The following FGF14 variants were observed in gnomAD, a reference collection of about 807,000 sequenced individuals.
FGF14 encodes fibroblast growth factor 14.
A neutral mutation model predicts 25.5 loss-of-function variants in FGF14; 5 were observed. The ratio of observed to expected loss-of-function variants is 0.20; its 90% confidence interval spans 0.10 to 0.41. The LOEUF is 0.41. Ranked by LOEUF, FGF14 falls within the 10% of genes least tolerant of loss-of-function variation. FGF14 has a pLI of 1.00. For missense variants in FGF14, 222 were observed against 320.1 expected (o/e 0.69, Z 2.34); for synonymous variants, 138 against 118.3 (o/e 1.17, Z -1.08).
chr13:101,855,801 C>G (rs1373630885), intron 3 of FGF14, among the ~76,000 whole-genome samples: 2 of 151,716 alleles, frequency 1.3e-5, no homozygotes, highest in South Asian at 4.2e-4. Flanking sequence ...TTTAAACAAC[C>G]GCATATTGCT....
intron 1 of FGF14, among the ~76,000 whole-genome samples, chr13:102,111,746 G>A (rs544863529): frequency 6.8e-6 from 1 of 147,474 alleles, no homozygotes; most frequent in African/African-American, 2.5e-5. Flanking sequence ...ATAGTCTCAT[G>A]TACAAAGAAT....
At chr13:102,285,481 C>T (rs1044923741) in intron 1 of FGF14, among the ~76,000 whole-genome samples, 3 of 152,164 alleles carry the variant, frequency 2.0e-5, no homozygotes, top group African/African-American at 2.4e-5. Flanking sequence ...CTTCAATAAC[C>T]TGGAAGGTTA....
At chr13:101,916,304 T>TC (rs1043966231) in intron 1 of FGF14, 149 bp downstream of exon 1, 10 of 943,702 alleles carry the variant, frequency 1.1e-5, no homozygotes, top group Non-Finnish European at 1.7e-5. Flanking sequence ...GACTCCAGGG[T>TC]CCCCGCGACG....
intron 3 of FGF14, among the ~76,000 whole-genome samples, chr13:101,772,347 T>C (rs1218009091): frequency 6.6e-6 from 1 of 152,112 alleles, no homozygotes; most frequent in Non-Finnish European, 1.5e-5. Flanking sequence ...CGTCTCTGAA[T>C]GGAAAAATAA....
chr13:102,026,708 A>G (rs2139904243), intron 1 of FGF14, among the ~76,000 whole-genome samples: 1 of 152,068 alleles, frequency 6.6e-6, no homozygotes, highest in East Asian at 1.9e-4. Context: ...ACTACTTTTC[A>G]CTTTAATATC....
intron 1 of FGF14, among the ~76,000 whole-genome samples, chr13:102,193,099 T>G (rs1261738912): frequency 6.6e-6 from 1 of 152,164 alleles, no homozygotes; most frequent in Admixed American, 6.5e-5. Flanking sequence ...GTGTGAGTCT[T>G]CTTGGGCTTC....
chr13:102,259,420 C>G (rs1231232221), intron 1 of FGF14, among the ~76,000 whole-genome samples: 2 of 152,020 alleles, frequency 1.3e-5, no homozygotes, highest in African/African-American at 4.8e-5. Flanking sequence ...TCTATGTTGT[C>G]CATCCAACAT....
chr13:101,873,772 G>C (rs1409136006), intron 2 of FGF14, among the ~76,000 whole-genome samples: 3 of 152,004 alleles, frequency 2.0e-5, no homozygotes, highest in African/African-American at 4.8e-5. Context: ...AATAACAAAA[G>C]CTGCAAAAGT....
intron 1 of FGF14, among the ~76,000 whole-genome samples, chr13:101,927,922 G>C (rs1009251318): frequency 6.6e-6 from 1 of 152,206 alleles, no homozygotes; most frequent in Non-Finnish European, 1.5e-5. Flanking sequence ...GTTCTGGACT[G>C]TTCCTGATGT....
intron 1 of FGF14, among the ~76,000 whole-genome samples, chr13:102,104,594 G>A (rs764183734): frequency 3.9e-5 from 6 of 152,008 alleles, no homozygotes; most frequent in Admixed American, 6.6e-5. Context: ...TGGGTAACAT[G>A]GCAAAACCTC....
chr13:102,032,059 T>C (rs1161847099), intron 1 of FGF14, among the ~76,000 whole-genome samples: 4 of 152,132 alleles, frequency 2.6e-5, no homozygotes, highest in African/African-American at 9.7e-5. Flanking sequence ...AATATGCTGC[T>C]CTTGATATTC....
At chr13:102,309,889 A>C (rs1377238019) in intron 1 of FGF14, among the ~76,000 whole-genome samples, 2 of 152,136 alleles carry the variant, frequency 1.3e-5, no homozygotes, top group South Asian at 2.1e-4. Flanking sequence ...ACTCTTGGAC[A>C]AGTTTCATTT....
chr13:101,785,768 C>T (rs558957241), intron 3 of FGF14, among the ~76,000 whole-genome samples: 38 of 152,104 alleles, frequency 2.5e-4, no homozygotes, highest in East Asian at 1.2e-3. Flanking sequence ...GTCTTTTCTA[C>T]GGGATAGAGA....
Position 102,147,261 on chromosome 13 carries a change from G to A in FGF14, c.208+254210C>T, listed in dbSNP as rs181121809. Among the ~76,000 whole-genome samples the A allele has an allele frequency of 2.0e-5, 3 of 152,308 alleles. No individual in the cohort carries two copies. In the East Asian group the frequency reaches 5.8e-4, roughly 29 times the overall value. ...CCAGGGAGCCTGGAAGCAATTGATA[G>A]GATTCAAATTCTGGTTTTCTGAACT... On this transcript the variant is annotated intron_variant, in intron 1 of 4. Transcript: ENST00000376131.
intron 3 of FGF14, among the ~76,000 whole-genome samples, chr13:101,748,677 G>A (rs1215874664): frequency 2.8e-5 from 4 of 143,438 alleles, no homozygotes; most frequent in African/African-American, 1.0e-4. Flanking sequence ...TGGAGAAATT[G>A]GAGTCTGTGT....
chr13:101,948,429 C>A (rs138406827), intron 1 of FGF14, among the ~76,000 whole-genome samples: 1 of 150,614 alleles, frequency 6.6e-6, no homozygotes, highest in Non-Finnish European at 1.5e-5. Flanking sequence ...CAAACCTGCA[C>A]GTTGTGCACA....
At chr13:102,191,389 C>T (rs1374109462) in intron 1 of FGF14, among the ~76,000 whole-genome samples, 1 of 152,176 alleles carries the variant, frequency 6.6e-6, no homozygotes, top group African/African-American at 2.4e-5. Flanking sequence ...AATGGTCCAG[C>T]ATGGTGAAGT....
At chr13:102,190,691 T>G (rs2049086134) in intron 1 of FGF14, among the ~76,000 whole-genome samples, 2 of 152,234 alleles carry the variant, frequency 1.3e-5, no homozygotes, top group South Asian at 4.1e-4. Flanking sequence ...AAAAATTAAT[T>G]GAGTTGGGGT....
At chr13:102,328,087 C>T (rs2056519447) in intron 1 of FGF14, among the ~76,000 whole-genome samples, 2 of 151,928 alleles carry the variant, frequency 1.3e-5, no homozygotes, top group South Asian at 4.2e-4. Context: ...CCTATTATCT[C>T]AAACCAGAGC....
Sources: allele counts gnomAD v4.1 joint callset (sites outside exome capture counted in the v4.1 genomes callset), GRCh38; gene constraint gnomAD v4.1.1; transcripts MANE v1.5; gene names NCBI Gene and HGNC (gene_info 2026-07-23, HGNC 2026-07-21).